The following YES1 variants were observed in gnomAD, a reference collection of about 807,000 sequenced individuals.
YES1 encodes the protein tyrosine-protein kinase Yes.
In YES1, 39 loss-of-function variants were observed where a neutral mutation model predicts 70.4. The observed-to-expected ratio is 0.55, with a 90% CI of 0.43 to 0.72. The LOEUF is 0.72. Among genes scored for constraint, YES1 ranks in the 30% least tolerant of loss-of-function variants. The pLI, the probability that YES1 is intolerant of heterozygous loss-of-function variation, is 0.00. For synonymous variants in YES1, 198 were observed against 218.6 expected (o/e 0.91, Z 0.83); for missense variants, 495 against 644.8 (o/e 0.77, Z 2.52).
intron 1 of YES1, among the ~76,000 whole-genome samples, chr18:783,613 TTC>T (rs1229982024): frequency 2.3e-5 from 3 of 129,488 alleles, no homozygotes; most frequent in African/African-American, 3.3e-5. Context: ...GTATCAATTT[TTC>T]TCTTTTTTTT....
chr18:730,729 T>A (rs1003693940), intron 11 of YES1, among the ~76,000 whole-genome samples: 1 of 152,194 alleles, frequency 6.6e-6, no homozygotes, highest in Non-Finnish European at 1.5e-5. Flanking sequence ...TTTTACATAT[T>A]TTATTTAACT....
At chr18:805,471 C>T (rs1301563046) in intron 1 of YES1, among the ~76,000 whole-genome samples, 45 of 152,192 alleles carry the variant, frequency 3.0e-4, no homozygotes, top group Admixed American at 2.9e-3. Flanking sequence ...ACTTCAACTG[C>T]GGCAGAGCAC....
intron 1 of YES1, among the ~76,000 whole-genome samples, chr18:808,286 G>A (rs1907200523): frequency 6.6e-6 from 1 of 152,086 alleles, no homozygotes; most frequent in Non-Finnish European, 1.5e-5. Flanking sequence ...TGTTACTATA[G>A]CTCCTTTTGC....
intron 1 of YES1, among the ~76,000 whole-genome samples, chr18:800,194 A>G (rs890013677): frequency 6.6e-6 from 1 of 152,260 alleles, no homozygotes; most frequent in African/African-American, 2.4e-5. Flanking sequence ...GCTTTTAGTG[A>G]AGAACTACTT....
chr18:790,710 A>G (rs966383813), intron 1 of YES1, among the ~76,000 whole-genome samples: 4 of 152,216 alleles, frequency 2.6e-5, no homozygotes, highest in African/African-American at 9.6e-5. Flanking sequence ...AAAATTAATA[A>G]AAATAACTCA....
At chr18:809,756 G>A (rs141621595) in intron 1 of YES1, among the ~76,000 whole-genome samples, 107 of 151,096 alleles carry the variant, frequency 7.1e-4, no homozygotes, top group Admixed American at 1.1e-3. Flanking sequence ...ATTACACACT[G>A]GATTCCTTAA....
At chr18:782,256 C>T (rs990279136) in intron 1 of YES1, among the ~76,000 whole-genome samples, 8 of 152,316 alleles carry the variant, frequency 5.3e-5, no homozygotes, top group Non-Finnish European at 1.2e-4. Flanking sequence ...TAAAACATGG[C>T]TGGCAATAGT....
chr18:806,050 T>C (rs931535946), intron 1 of YES1, among the ~76,000 whole-genome samples: 4 of 152,208 alleles, frequency 2.6e-5, no homozygotes, highest in Non-Finnish European at 5.9e-5. Context: ...CCAGCAAAAG[T>C]ACACCTATGA....
intron 1 of YES1, among the ~76,000 whole-genome samples, chr18:809,926 C>T (rs1291217801): frequency 6.6e-6 from 1 of 151,978 alleles, no homozygotes; most frequent in Non-Finnish European, 1.5e-5. Context: ...ATCACAATCT[C>T]CTCCCTCTTC....
rs764716556 is a variant in YES1, at chr18:743,317, C to T, written c.823G>A (p.Glu275Lys). Reference sequence around the variant, plus strand: ...AGTTTAACCTCTAGTCGCAAAGATTCTCGAGGGATTTCCCAAGCATCTTTT... The same window carrying T: ...AGTTTAACCTCTAGTCGCAAAGATTTTCGAGGGATTTCCCAAGCATCTTTT... ...LAKDAWEIPR[E>K]SLRLEVKLGQ... Residue 275 changes from glutamate to lysine, a missense_variant, in exon 7 of 12, where the codon GAA becomes AAA. Coordinates refer to ENST00000314574, the MANE Select transcript of YES1 (RefSeq NM_005433.4). 1 of 1,612,394 alleles carries T rather than the reference C, an allele frequency of 6.2e-7. No homozygotes were observed. The highest frequency in any genetic ancestry group is 8.5e-7 in the Non-Finnish European group (1 of 1,180,000).
At chr18:733,853 A>G (rs935933470) in intron 10 of YES1, among the ~76,000 whole-genome samples, 1 of 151,268 alleles carries the variant, frequency 6.6e-6, no homozygotes, top group African/African-American at 2.4e-5. Flanking sequence ...CAGAAATAAT[A>G]TTATAGGTGT....
chr18:778,410 G>C (rs1263385724), intron 1 of YES1, among the ~76,000 whole-genome samples: 1 of 152,202 alleles, frequency 6.6e-6, no homozygotes, highest in Non-Finnish European at 1.5e-5. Flanking sequence ...ACAGCACCCT[G>C]CCTGTCAGCA....
chr18:738,799 AATAC>A (rs2080182992), intron 9 of YES1: 1 of 152,132 alleles, frequency 6.6e-6, no homozygotes, highest in South Asian at 2.1e-4. Flanking sequence ...TTGAAATATA[AATAC>A]ATATAGACTT....
intron 1 of YES1, among the ~76,000 whole-genome samples, chr18:808,570 T>C (rs914739591): frequency 6.6e-6 from 1 of 152,218 alleles, no homozygotes; most frequent in African/African-American, 2.4e-5. Context: ...CTAAGCCATG[T>C]AGGGTTCTAA....
intron 1 of YES1, among the ~76,000 whole-genome samples, chr18:773,795 A>G (rs1023201008): frequency 9.2e-5 from 14 of 151,944 alleles, no homozygotes; most frequent in African/African-American, 3.4e-4. Context: ...AAAATAAGAA[A>G]AAAACTGAGG....
At position 757,541 on chromosome 18, in the gene YES1, C is replaced by A. The variant is rs1904356131; in HGVS notation, c.-8-706G>T. Among the ~76,000 whole-genome samples the A allele has an allele frequency of 4.0e-5, 6 of 148,834 alleles. No homozygotes were observed. In the South Asian group the frequency reaches 1.1e-3, roughly 26 times the overall value. ...AAAGAAAGAAAAAGTATCTGGGGGG[C>A]CAGGCGCAGTGGCTCACACCTGTAA... On this transcript the variant is annotated intron_variant, in intron 1 of 11. Coordinates refer to ENST00000314574, the MANE Select transcript of YES1 (RefSeq NM_005433.4).
intron 1 of YES1, among the ~76,000 whole-genome samples, chr18:802,223 T>C (rs1333751407): frequency 6.6e-6 from 1 of 152,144 alleles, no homozygotes; most frequent in Non-Finnish European, 1.5e-5. Flanking sequence ...CACTCCAGCC[T>C]GGGCAAACAC....
intron 10 of YES1, among the ~76,000 whole-genome samples, chr18:733,859 G>A (rs1156709550): frequency 6.7e-6 from 1 of 149,568 alleles, no homozygotes; most frequent in African/African-American, 2.5e-5. Context: ...TAATATTATA[G>A]GTGTCTTACA....
chr18:802,509 AC>A (rs1417235623), intron 1 of YES1, among the ~76,000 whole-genome samples: 1 of 149,608 alleles, frequency 6.7e-6, no homozygotes, highest in Non-Finnish European at 1.5e-5. Context: ...ACACTATTGC[AC>A]CCCAGCCTGG....
Sources: allele counts gnomAD v4.1 joint callset (sites outside exome capture counted in the v4.1 genomes callset), GRCh38; gene constraint gnomAD v4.1.1; transcripts MANE v1.5; gene names NCBI Gene and HGNC (gene_info 2026-07-23, HGNC 2026-07-21).